Variants in DDX60L observed in about 807,000 individuals in gnomAD.
DDX60L encodes probable ATP-dependent RNA helicase DDX60-like.
In DDX60L, 191 loss-of-function variants were observed where a neutral mutation model predicts 211.6. That is an observed-to-expected ratio of 0.90 (90% CI 0.80 to 1.02). The LOEUF (loss-of-function observed/expected upper bound fraction) is 1.02, where lower values mean the gene tolerates loss of function less well. Ranked by LOEUF, DDX60L falls within the 50% of genes least tolerant of loss-of-function variation. The pLI is 0.00. For synonymous variants in DDX60L, 706 were observed against 694.1 expected (o/e 1.02, Z -0.27); for missense variants, 2,007 against 1,984.1 (o/e 1.01, Z -0.22).
rs1313093419 is a variant in DDX60L at position 168,356,999 on chromosome 4, ACAG to A, written c.*1145_*1147del. 1 of 152,174 alleles carries A rather than the reference ACAG, an allele frequency of 6.6e-6. No homozygotes were observed. The highest frequency in any genetic ancestry group is 1.5e-5 in the Non-Finnish European group (1 of 68,032). The allele number at this position is 152,174 out of a possible 1,614,324, so 9.4% of individuals were successfully genotyped here. ...CTTCAGAGTACCGTATTCATTTATC[ACAG>A]CAAAAACGCACCTTTAAAGGTTTGT... On this transcript the variant is annotated 3_prime_UTR_variant, in exon 38 of 38. Coordinates refer to ENST00000682922, the MANE Select transcript of DDX60L (RefSeq NM_001012967.3).
At chr4:168,423,452 A>G (rs1471765776) in intron 15 of DDX60L, among the ~76,000 whole-genome samples, 156 bp downstream of exon 15, 1 of 152,162 alleles carries the variant, frequency 6.6e-6, no homozygotes, top group Non-Finnish European at 1.5e-5. Flanking sequence ...GGTTATTAAT[A>G]AGTAATCTCA....
intron 36 of DDX60L, among the ~76,000 whole-genome samples, chr4:168,370,299 T>C (rs1740778968): frequency 6.6e-6 from 1 of 152,138 alleles, no homozygotes; most frequent in African/African-American, 2.4e-5. Flanking sequence ...GGACATTATG[T>C]TAAGTGAAAT....
intron 34 of DDX60L, among the ~76,000 whole-genome samples, chr4:168,374,297 C>G (rs754671728): frequency 6.6e-6 from 1 of 152,126 alleles, no homozygotes; most frequent in Non-Finnish European, 1.5e-5. Flanking sequence ...TTTGCTCATG[C>G]TGTGTCCTAC....
In DDX60L at chr4:168,471,781, C is replaced by T; in HGVS notation, c.230G>A (p.Ser77Asn). The change falls in exon 4 of 38, where the codon AGT becomes AAT. Residue 77 changes from serine (S) to asparagine (N), a missense_variant. Ser to Asn is a conservative substitution (Grantham distance 46, BLOSUM62 1). Transcript: ENST00000682922. Reference protein sequence around the residue: ...LVECYLVDLLSNGGQFTIVFF... With the variant: ...LVECYLVDLLNNGGQFTIVFF... ...AACTATGGTGAATTGTCCTCCGTTA[C>T]TCAGAAGATCCACAAGATAGCATTC... The T allele has an allele frequency of 1.2e-6, 2 of 1,608,270 alleles. No homozygotes were observed. Among genetic ancestry groups the T allele is most frequent in the Non-Finnish European group, 1.7e-6 (2 of 1,178,700 alleles).
chr4:168,387,923 T>C (rs1012496434), intron 29 of DDX60L, among the ~76,000 whole-genome samples: 5 of 152,208 alleles, frequency 3.3e-5, no homozygotes, highest in African/African-American at 9.6e-5. Flanking sequence ...GCAGTTCAGA[T>C]ATCTCATCTG....
intron 27 of DDX60L, chr4:168,395,734 A>C: frequency 4.8e-6 from 2 of 420,808 alleles, no homozygotes; most frequent in Non-Finnish European, 8.3e-6. Flanking sequence ...TAATAGAGTG[A>C]AATAAAATAA....
rs753594197 is a variant in DDX60L, at chr4:168,361,178, T to C, written c.4962A>G (p.Lys1654=). The change falls in exon 37 of 38, where the codon AAA becomes AAG. Residue 1654 remains lysine (K), a synonymous_variant. Transcript: ENST00000682922. ...TAGCCTGAATGTTGAATGCAAAATCTTTCAAACACTTTAAAAGCTGTCCCA... is the reference window on the plus strand; with the variant it reads ...TAGCCTGAATGTTGAATGCAAAATCCTTCAAACACTTTAAAAGCTGTCCCA... ...MRMGQLLKCL[K]DFAFNIQAIS... is the part of the protein sequence containing the mutation. The C allele has an allele frequency of 1.9e-6, 3 of 1,608,622 alleles. No individual in the cohort carries two copies. Among genetic ancestry groups the C allele is most frequent in the African/African-American group, 2.7e-5 (2 of 74,866 alleles).
rs1452340022 is a variant in DDX60L, at chr4:168,371,783, A to G, written c.4777-20T>C. 2 of 1,578,168 alleles carry G rather than the reference A, an allele frequency of 1.3e-6. No individual in the cohort carries two copies. Among genetic ancestry groups the G allele is most frequent in the African/African-American group, 1.3e-5 (1 of 74,646 alleles). The stretch of plus-strand genomic sequence containing the variant: ...GATGACCTGAAGAAAGACATTTTCT[A>G]TTACTTCATTACTGATATGTAAAGA... On this transcript the variant is annotated intron_variant, in intron 35 of 37. Transcript: ENST00000682922.
chr4:168,384,037 C>G (rs1409014792), intron 30 of DDX60L, among the ~76,000 whole-genome samples: 1 of 152,116 alleles, frequency 6.6e-6, no homozygotes, highest in African/African-American at 2.4e-5. Flanking sequence ...ACTTAGTCTC[C>G]CAAACTACAT....
At position 168,371,614 on chromosome 4, in the gene DDX60L, A is replaced by ATTT. The variant is rs773554787; in HGVS notation, c.4923_4925dup (p.Lys1641dup). 1.3e-6 allele frequency: 2 copies of ATTT among 1,544,802 alleles called. No homozygotes were observed. Among genetic ancestry groups the ATTT allele is most frequent in the African/African-American group, 2.7e-5 (2 of 72,756 alleles). Reference sequence around the variant, plus strand: ...CAGAAACATACCCATAAACTTACCCATTTTTTTGGTCTAATCTTGTCAAGC... The same window carrying ATTT: ...CAGAAACATACCCATAAACTTACCCATTTTTTTTTTGGTCTAATCTTGTCAAGC... On this transcript the variant is annotated inframe_insertion, in exon 36 of 38. Transcript: ENST00000682922.
intron 25 of DDX60L, among the ~76,000 whole-genome samples, chr4:168,401,670 T>C (rs1298078064): frequency 6.6e-6 from 1 of 152,224 alleles, no homozygotes; most frequent in Admixed American, 6.5e-5. Context: ...GCTCAATGTA[T>C]GTAATGTCCA....
rs28703055 is a variant in DDX60L, at chr4:168,471,741, T to A, written c.264+6A>T. 6.3e-7 allele frequency: 1 copy of A among 1,587,388 alleles called. No homozygotes were observed. The highest frequency in any genetic ancestry group is 8.5e-7 in the Non-Finnish European group (1 of 1,172,178). ...GACTAAAACGACATCAATCATCATA[T>A]ATTACCTTAAAGAAAACTATGGTGA... On this transcript the variant is annotated splice_donor_region_variant and intron_variant, in intron 4 of 37. Transcript: ENST00000682922.
intron 22 of DDX60L, among the ~76,000 whole-genome samples, chr4:168,413,351 C>T (rs1307990361): frequency 6.6e-6 from 1 of 151,946 alleles, no homozygotes; most frequent in East Asian, 1.9e-4. Flanking sequence ...GCCAATATCC[C>T]TGATGAATAT....
In DDX60L at chr4:168,456,023, T is replaced by C. The variant is rs753468147; in HGVS notation, c.837+16A>G. On this transcript the variant is annotated intron_variant, in intron 7 of 37. Coordinates refer to ENST00000682922, the MANE Select transcript of DDX60L (RefSeq NM_001012967.3). ...ATGACAGCTTTCTGCCTGGCGGCTG[T>C]GTTCTTTTTACTTACTAAGACACGA... The C allele has an allele frequency of 6.5e-7, 1 of 1,540,980 alleles. No homozygotes were observed. The highest frequency in any genetic ancestry group is 2.4e-5 in the East Asian group (1 of 41,856).
intron 34 of DDX60L, among the ~76,000 whole-genome samples, chr4:168,375,125 C>T (rs1741714434): frequency 6.6e-6 from 1 of 152,032 alleles, no homozygotes; most frequent in African/African-American, 2.4e-5. Flanking sequence ...TCATGAATGA[C>T]TTTTATTTTT....
chr4:168,403,460 G>T (rs1560997443), intron 25 of DDX60L, among the ~76,000 whole-genome samples: 1 of 152,150 alleles, frequency 6.6e-6, no homozygotes, highest in South Asian at 2.1e-4. Context: ...TGGGTCCAGG[G>T]TACACAGTGT....
chr4:168,445,831 C>T (rs1182360911), intron 9 of DDX60L, among the ~76,000 whole-genome samples: 77 of 114,616 alleles, frequency 6.7e-4, no homozygotes, highest in African/African-American at 1.8e-3. Context: ...ATTCAACAAC[C>T]CTTCATGCTA....
intron 36 of DDX60L, among the ~76,000 whole-genome samples, chr4:168,365,230 G>A (rs1739768271): frequency 6.6e-6 from 1 of 152,032 alleles, no homozygotes; most frequent in South Asian, 2.1e-4. Flanking sequence ...AAAGGTCAGT[G>A]AAATGAAGAT....
At chr4:168,475,606 G>A (rs17054232) in intron 1 of DDX60L, among the ~76,000 whole-genome samples, 51,252 of 151,090 alleles carry the variant, frequency 0.34, 8,907 homozygotes, top group African/African-American at 0.42. Context: ...TACAAAGAGG[G>A]AAAAATGTTA....
Sources: gnomAD v4.1 joint callset for allele counts (sites outside exome capture counted in the v4.1 genomes callset) on GRCh38, gnomAD v4.1.1 for gene constraint, MANE v1.5 for transcripts, NCBI Gene and HGNC (gene_info 2026-07-23, HGNC 2026-07-21) for gene names.